ELP3: variants seen among roughly 807,000 people sequenced by gnomAD.
ELP3 encodes the protein elongator complex protein 3.
Under a neutral mutation model 74.9 loss-of-function variants are expected in ELP3, and 56 were observed. The ratio of observed to expected loss-of-function variants is 0.75; its 90% CI spans 0.60 to 0.93. The LOEUF is 0.93. ELP3 is among the 40% of genes least tolerant of loss of function. ELP3 has a pLI of 0.00. For missense variants in ELP3, 573 were observed against 686.5 expected, an observed-to-expected ratio of 0.83 and a Z score of 1.85; for synonymous variants, 222 against 239.8, an observed-to-expected ratio of 0.93 and a Z score of 0.68.
At chr8:28,093,369 G>A in intron 1 of ELP3, 136 bp downstream of exon 1, 1 of 1,164,030 alleles carries the variant, frequency 8.6e-7, no homozygotes, top group South Asian at 1.5e-5. Flanking sequence ...GGGTCAGTGT[G>A]TCCATTCTGG....
At chr8:28,093,019 G>C (rs1350778334), upstream of ELP3, 1 of 867,472 alleles carries the variant, frequency 1.2e-6, no homozygotes, top group East Asian at 2.6e-5. Context: ...GGGCCTCACG[G>C]GCCGCCTGCT....
intron 12 of ELP3, 91 bp downstream of exon 12, chr8:28,158,724 C>G: frequency 9.9e-7 from 1 of 1,009,852 alleles, no homozygotes; most frequent in Non-Finnish European, 1.6e-6. Context: ...GGACAGAGCC[C>G]CAGGAGTGAA....
intron 9 of ELP3, 38 bp downstream of exon 9, chr8:28,132,442 C>T: frequency 1.9e-6 from 3 of 1,613,028 alleles, no homozygotes; most frequent in Non-Finnish European, 2.5e-6. Context: ...CAGAATGGCT[C>T]TGCATGTTTC....
chr8:28,137,015 A>G (rs1813016790), intron 9 of ELP3, among the ~76,000 whole-genome samples: 1 of 152,256 alleles, frequency 6.6e-6, no homozygotes, highest in Non-Finnish European at 1.5e-5. Context: ...ACAAATGGAC[A>G]AGGTGTAGCC....
At chr8:28,097,153 A>G (rs1585627010) in intron 1 of ELP3, 66 bp from the exon 2 acceptor site, 2 of 1,133,156 alleles carry the variant, frequency 1.8e-6, no homozygotes, top group East Asian at 4.8e-5. Context: ...AACTGCTACT[A>G]AATCAGATTT....
At chr8:28,113,223 G>T in intron 7 of ELP3, 50 bp downstream of exon 7, 1 of 1,520,184 alleles carries the variant, frequency 6.6e-7, no homozygotes, top group Non-Finnish European at 9.0e-7. Context: ...GTCAGTTTAT[G>T]CTCCTAGCAG....
intron 7 of ELP3, among the ~76,000 whole-genome samples, chr8:28,114,467 G>A (rs1812042913): frequency 6.6e-6 from 1 of 152,180 alleles, no homozygotes; most frequent in African/African-American, 2.4e-5. Flanking sequence ...CAATCATGGT[G>A]GAAGGTGAAG....
intron 14 of ELP3, among the ~76,000 whole-genome samples, chr8:28,183,922 C>T (rs1005380891): frequency 2.0e-5 from 3 of 152,208 alleles, no homozygotes; most frequent in South Asian, 2.1e-4. Context: ...GGCTCGGAGA[C>T]GGTCCAGGCA....
At chr8:28,097,381 T>A in intron 2 of ELP3, 63 bp downstream of exon 2, 1 of 1,065,910 alleles carries the variant, frequency 9.4e-7, no homozygotes. Context: ...TATGAAATTA[T>A]CTAGTACTAC....
intron 14 of ELP3, among the ~76,000 whole-genome samples, chr8:28,163,221 T>A (rs1320219903): frequency 6.6e-6 from 1 of 152,212 alleles, no homozygotes; most frequent in African/African-American, 2.4e-5. Flanking sequence ...GCTGTTCCCA[T>A]AAGAAGCTAA....
At chr8:28,157,289 C>CAAA (rs35938340) in intron 11 of ELP3, among the ~76,000 whole-genome samples, 1,156 of 106,706 alleles carry the variant, frequency 0.011, 25 homozygotes, top group African/African-American at 0.032. Flanking sequence ...AAAAGCATGC[C>CAAA]AAAAAAAAAA....
chr8:28,099,782 C>T, intron 2 of ELP3, 46 bp from the exon 3 acceptor site: 1 of 1,609,856 alleles, frequency 6.2e-7, no homozygotes, highest in Non-Finnish European at 8.5e-7. Context: ...GGTAGCTTGT[C>T]CTTAAATAAC....
In ELP3 at chr8:28,113,183, T is replaced by A; in HGVS notation, c.617+10T>A. 6.2e-7 allele frequency: 1 copy of A among 1,610,350 alleles called. No individual in the cohort carries two copies. Among genetic ancestry groups the A allele is most frequent in the Non-Finnish European group, 8.5e-7 (1 of 1,178,130 alleles). The stretch of plus-strand genomic sequence containing the variant: ...TTTACGAGGCAGTCAAGTAAGAAAT[T>A]CTTATTTTATCATAGTCTCCAGAGT... On this transcript the variant is annotated intron_variant, in intron 7 of 14. Transcript: ENST00000256398.
intron 10 of ELP3, among the ~76,000 whole-genome samples, chr8:28,138,607 C>T (rs943799117): frequency 3.9e-5 from 6 of 152,178 alleles, no homozygotes; most frequent in African/African-American, 1.4e-4. Flanking sequence ...AAATGCAAGG[C>T]CAGAAGGAGA....
intron 14 of ELP3, among the ~76,000 whole-genome samples, chr8:28,171,007 A>G (rs1166555834): frequency 6.6e-6 from 1 of 152,166 alleles, no homozygotes; most frequent in African/African-American, 2.4e-5. Context: ...ATGCTGTAGC[A>G]TGTCTCAGAA....
At chr8:28,105,278 T>C (rs1811644312) in intron 3 of ELP3, among the ~76,000 whole-genome samples, 1 of 152,012 alleles carries the variant, frequency 6.6e-6, no homozygotes, top group Non-Finnish European at 1.5e-5. Context: ...TAATCCCAGC[T>C]ACTTGGGAGG....
chr8:28,148,285 G>A (rs935484695), intron 10 of ELP3, among the ~76,000 whole-genome samples: 1 of 152,136 alleles, frequency 6.6e-6, no homozygotes, highest in African/African-American at 2.4e-5. Context: ...TGAGGAACAG[G>A]GTGTTGTCAT....
chr8:28,110,585 G>A lies in ELP3; in HGVS notation c.462+147G>A, dbSNP rs577058436. ...GTTTTCAATATCCATTTGAGGGAGG[G>A]AGAATTTGCCATGCCTAGCAAGGTC... On this transcript the variant is annotated intron_variant, in intron 6 of 14. Coordinates refer to ENST00000256398, the MANE Select transcript of ELP3 (RefSeq NM_018091.6). 18 of 653,912 alleles carry A rather than the reference G, an allele frequency of 2.8e-5. No individual in the cohort carries two copies. In the African/African-American group the frequency reaches 2.8e-4, roughly 10 times the overall value. 40.5% of individuals were successfully genotyped at this position (653,912 alleles called of 1,614,324 possible).
At chr8:28,109,379 A>G (rs1431733294) in intron 5 of ELP3, among the ~76,000 whole-genome samples, 3 of 152,196 alleles carry the variant, frequency 2.0e-5, no homozygotes, top group African/African-American at 2.4e-5. Flanking sequence ...TTAAAATACA[A>G]GAGGAATGAT....
Sources: gnomAD v4.1 joint callset for allele counts (sites outside exome capture counted in the v4.1 genomes callset) on GRCh38, gnomAD v4.1.1 for gene constraint, MANE v1.5 for transcripts, NCBI Gene and HGNC (gene_info 2026-07-23, HGNC 2026-07-21) for gene names.